TPST2: variants seen among roughly 807,000 people sequenced by gnomAD.
The protein encoded by TPST2 is protein-tyrosine sulfotransferase 2.
A neutral mutation model predicts 27.8 loss-of-function variants in TPST2; 16 were observed. The ratio of observed to expected loss-of-function variants is 0.58; its 90% CI spans 0.39 to 0.88. The LOEUF (loss-of-function observed/expected upper bound fraction) is 0.88, where lower values mean the gene tolerates loss of function less well. TPST2 is among the 40% of genes least tolerant of loss of function. The pLI, the probability that TPST2 is intolerant of heterozygous loss-of-function variation, is 0.00. For synonymous variants in TPST2, 229 were observed against 231.7 expected, an observed-to-expected ratio of 0.99 and a Z score of 0.10; for missense variants, 464 against 543.1, an observed-to-expected ratio of 0.85 and a Z score of 1.45.
rs1569193952 is a variant in TPST2, at chr22:26,570,049, A to AGAC, written c.-161+20003_-161+20004insGTC. The stretch of plus-strand genomic sequence containing the variant: ...AAAGAAAGAAAGAAAGAAAGACAGA[A>AGAC]AGAAAGAAAGAAAGAAGGAAAGAAA... On this transcript the variant is annotated intron_variant, in intron 1 of 6. Coordinates refer to ENST00000338754, the MANE Select transcript of TPST2 (RefSeq NM_003595.5). Among the ~76,000 whole-genome samples the AGAC allele has an allele frequency of 4.4e-3, 425 of 95,966 alleles. 16 individuals carry two copies. Among genetic ancestry groups the AGAC allele is most frequent in the East Asian group, 8.6e-3 (32 of 3,734 alleles). 63.0% of individuals were successfully genotyped at this position (95,966 alleles called of 152,430 possible).
intron 5 of TPST2, among the ~76,000 whole-genome samples, chr22:26,528,541 G>C (rs1346917340): frequency 6.6e-6 from 1 of 152,190 alleles, no homozygotes; most frequent in Admixed American, 6.5e-5. Context: ...GCTGCTATGA[G>C]TGATCAGTAT....
At chr22:26,551,682 G>T (rs1451779726) in intron 1 of TPST2, among the ~76,000 whole-genome samples, 1 of 152,020 alleles carries the variant, frequency 6.6e-6, no homozygotes, top group Admixed American at 6.6e-5. Flanking sequence ...GAGGCTGGGG[G>T]TCACATCCTG....
chr22:26,530,958 G>A (rs1260265468), intron 5 of TPST2, among the ~76,000 whole-genome samples: 2 of 152,226 alleles, frequency 1.3e-5, no homozygotes, highest in East Asian at 1.9e-4. Context: ...GCAGTGAGCC[G>A]AGATCACCGC....
At chr22:26,575,819 C>A (rs1264304314) in intron 1 of TPST2, among the ~76,000 whole-genome samples, 1 of 152,156 alleles carries the variant, frequency 6.6e-6, no homozygotes, top group South Asian at 2.1e-4. Context: ...CATGGTGAAA[C>A]CCCGTATCTA....
At chr22:26,586,657 C>T (rs893587926) in intron 1 of TPST2, among the ~76,000 whole-genome samples, 6 of 145,740 alleles carry the variant, frequency 4.1e-5, no homozygotes, top group Non-Finnish European at 7.7e-5. Flanking sequence ...GGCTGGGAGG[C>T]GTGGTCTTAA....
chr22:26,535,468 G>A (rs1925402207), intron 4 of TPST2, among the ~76,000 whole-genome samples: 1 of 152,224 alleles, frequency 6.6e-6, no homozygotes, highest in African/African-American at 2.4e-5. Context: ...GTGGGTGTTA[G>A]CCTACTTTAA....
At chr22:26,534,856 T>A (rs1925360646) in intron 4 of TPST2, among the ~76,000 whole-genome samples, 1 of 152,022 alleles carries the variant, frequency 6.6e-6, no homozygotes, top group Non-Finnish European at 1.5e-5. Flanking sequence ...TAAAGAATAA[T>A]AAAATAAAAA....
chr22:26,541,414 C>G lies in TPST2; in HGVS notation c.217G>C (p.Val73Leu), dbSNP rs1376994818. ...GTGCCACTGCGAGGCACGCCACCCA[C>G]GAAGATGAGCGGCATGGCCTTGCCA... is the stretch of plus-strand genomic sequence containing the variant. The part of the protein sequence containing the change: ...RYGKAMPLIF[V>L]GGVPRSGTTL... The change falls in exon 3 of 7, where the codon GTG becomes CTG. Residue 73 changes from valine to leucine, a missense_variant. Val to Leu is a conservative substitution (Grantham distance 32). Coordinates refer to ENST00000338754, the MANE Select transcript of TPST2 (RefSeq NM_003595.5). This position sits in a 1 kb window ranked among gnomAD's most constrained non-coding sequence, Gnocchi z 5.9. 1.0e-5 allele frequency: 16 copies of G among 1,569,542 alleles called. No individual in the cohort carries two copies. The highest frequency in any genetic ancestry group is 1.8e-5 in the Admixed American group (1 of 54,266).
At chr22:26,549,077 C>T (rs2267085) in intron 1 of TPST2, among the ~76,000 whole-genome samples, 34,353 of 152,126 alleles carry the variant, frequency 0.23, 4,651 homozygotes, top group Non-Finnish European at 0.3. Flanking sequence ...ATGTGCCTAG[C>T]GCAAATGAGA....
chr22:26,545,898 G>A (rs989697308), intron 1 of TPST2, among the ~76,000 whole-genome samples: 2 of 152,006 alleles, frequency 1.3e-5, no homozygotes, highest in Admixed American at 1.3e-4. Flanking sequence ...TGGGCAATAT[G>A]GGGAGACCCA....
At chr22:26,530,631 C>CAAAAAAAAAA (rs34776057) in intron 5 of TPST2, among the ~76,000 whole-genome samples, 5 of 118,304 alleles carry the variant, frequency 4.2e-5, no homozygotes, top group Admixed American at 9.6e-5. Context: ...AACCCCATCT[C>CAAAAAAAAAA]AAAAAAAAAA....
chr22:26,530,631 C>CAA (rs34776057), intron 5 of TPST2, among the ~76,000 whole-genome samples: 1 of 118,302 alleles, frequency 8.5e-6, no homozygotes, highest in South Asian at 3.2e-4. Flanking sequence ...AACCCCATCT[C>CAA]AAAAAAAAAA....
chr22:26,562,930 A>T (rs531619637), intron 1 of TPST2, among the ~76,000 whole-genome samples: 2 of 152,182 alleles, frequency 1.3e-5, no homozygotes, highest in African/African-American at 4.8e-5. Flanking sequence ...AACCATCGGT[A>T]ATGTCCAGAG....
Position 26,528,308 on chromosome 22 carries a change from G to A in TPST2, c.1093-46C>T, listed in dbSNP as rs550469221. On this transcript the variant is annotated intron_variant, in intron 5 of 6. Transcript: ENST00000338754. Reference sequence around the variant, plus strand: ...GAAGAAGGGGTCACGGCCAGGTGAGGGATGCCTTGCTGTATTGAGGGTCAC... The same window carrying A: ...GAAGAAGGGGTCACGGCCAGGTGAGAGATGCCTTGCTGTATTGAGGGTCAC... 226 of 1,551,854 alleles carry A rather than the reference G, an allele frequency of 1.5e-4. 1 individual carries two copies. Among genetic ancestry groups the A allele is most frequent in the South Asian group, 3.8e-4 (32 of 84,166 alleles).
At chr22:26,580,992 A>G (rs1928079226) in intron 1 of TPST2, among the ~76,000 whole-genome samples, 1 of 149,074 alleles carries the variant, frequency 6.7e-6, no homozygotes. Flanking sequence ...TTATAACACC[A>G]CCGATTCCCC....
chr22:26,554,504 G>A (rs1017793957), intron 1 of TPST2, among the ~76,000 whole-genome samples: 1 of 152,206 alleles, frequency 6.6e-6, no homozygotes, highest in African/African-American at 2.4e-5. Flanking sequence ...AGGGGACTGA[G>A]CATAGGGGCA....
intron 1 of TPST2, among the ~76,000 whole-genome samples, chr22:26,585,502 T>C (rs1007636684): frequency 3.9e-5 from 6 of 152,152 alleles, no homozygotes; most frequent in African/African-American, 7.2e-5. Flanking sequence ...CCCAGATCTC[T>C]GGAGGGGCCC....
At position 26,525,096 on chromosome 22, in the gene TPST2, G is replaced by A. The variant is rs1270425704; in HGVS notation, c.*1179C>T. On this transcript the variant is annotated 3_prime_UTR_variant, in exon 7 of 7. Coordinates refer to ENST00000338754, the MANE Select transcript of TPST2 (RefSeq NM_003595.5). ...ACCCCAAGGCTAGGGTGAGCTTTCT[G>A]GCTGGTAATATTTAGTACGTGTTGT... 6.6e-6 allele frequency: 1 copy of A among 152,210 alleles called. No homozygotes were observed. Among genetic ancestry groups the A allele is most frequent in the Non-Finnish European group, 1.5e-5 (1 of 68,040 alleles). The allele number at this position is 152,210 out of a possible 1,614,324, so 9.4% of individuals were successfully genotyped here. A position where few individuals can be genotyped will look rare whatever the true frequency, so the allele number is the denominator to read the frequency against.
At chr22:26,589,917 C>G (rs935651429) in intron 1 of TPST2, 136 bp downstream of exon 1, 1 of 152,048 alleles carries the variant, frequency 6.6e-6, no homozygotes. Context: ...CCCCGGAGCC[C>G]GAGCAGTCGC....
Sources: gnomAD v4.1 joint callset for allele counts (sites outside exome capture counted in the v4.1 genomes callset) on GRCh38, gnomAD v4.1.1 for gene constraint, Gnocchi (gnomAD v3.1) non-coding constraint, MANE v1.5 for transcripts, NCBI Gene and HGNC (gene_info 2026-07-23, HGNC 2026-07-21) for gene names.